Variants in MALRD1 observed in about 807,000 individuals in gnomAD.
MALRD1 encodes MAM and LDL-receptor class A domain-containing protein 1.
A neutral mutation model predicts 242.1 loss-of-function variants in MALRD1; 247 were observed. The ratio of observed to expected loss-of-function variants is 1.02; its 90% CI spans 0.92 to 1.13. MALRD1 has a LOEUF of 1.13. Among genes scored for constraint, MALRD1 ranks in the 50% most tolerant of loss-of-function variants. The pLI, the probability that MALRD1 is intolerant of heterozygous loss-of-function variation, is 0.00. For synonymous variants in MALRD1, 995 were observed against 866.6 expected (o/e 1.15, Z -2.60); for missense variants, 2,989 against 2,533.1 (o/e 1.18, Z -3.86).
chr10:19,058,604 A>T (rs771877363), intron 1 of MALRD1, among the ~76,000 whole-genome samples: 6 of 152,160 alleles, frequency 3.9e-5, no homozygotes, highest in Non-Finnish European at 8.8e-5. Context: ...AAAACATTGC[A>T]AGTAAAATGA....
intron 38 of MALRD1, among the ~76,000 whole-genome samples, chr10:19,695,081 G>A (rs1833305247): frequency 6.6e-6 from 1 of 152,122 alleles, no homozygotes; most frequent in Non-Finnish European, 1.5e-5. Flanking sequence ...ATGGGGTGGG[G>A]CTAGTGGGGA....
At chr10:19,631,238 G>T (rs1246685516) in intron 36 of MALRD1, among the ~76,000 whole-genome samples, 1 of 152,082 alleles carries the variant, frequency 6.6e-6, no homozygotes, top group Non-Finnish European at 1.5e-5. Context: ...AGTGAGAACA[G>T]GTGGAATGTA....
chr10:19,497,911 T>G (rs1837794494), intron 30 of MALRD1, among the ~76,000 whole-genome samples: 1 of 152,186 alleles, frequency 6.6e-6, no homozygotes, highest in South Asian at 2.1e-4. Flanking sequence ...TCACTGTGAA[T>G]AATTTAATTT....
At chr10:19,599,353 A>G (rs1389618000) in intron 34 of MALRD1, among the ~76,000 whole-genome samples, 2 of 152,170 alleles carry the variant, frequency 1.3e-5, no homozygotes, top group African/African-American at 4.8e-5. Context: ...AACACTTCGT[A>G]TTGAATATTG....
chr10:19,447,297 AAACC>A (rs1402784762), intron 28 of MALRD1, among the ~76,000 whole-genome samples: 1 of 152,200 alleles, frequency 6.6e-6, no homozygotes. Flanking sequence ...ATAAGGAAAT[AAACC>A]TCCATTCCAC....
At chr10:19,315,200 G>GT (rs1564554570) in intron 21 of MALRD1, among the ~76,000 whole-genome samples, 16 of 110,266 alleles carry the variant, frequency 1.5e-4, no homozygotes, top group African/African-American at 5.3e-4. Context: ...ATAATTTATA[G>GT]AAATATAATT....
In MALRD1 at chr10:19,087,089, A is replaced by G. The variant is rs552706167; in HGVS notation, c.341-751A>G. 3.3e-5 allele frequency among the ~76,000 whole-genome samples: 5 copies of G among 152,074 alleles called. No individual in the cohort carries two copies. The South Asian group carries it at 1.0e-3, about 32-fold the overall frequency. On this transcript the variant is annotated intron_variant, in intron 2 of 39. Coordinates refer to ENST00000454679, the MANE Select transcript of MALRD1 (RefSeq NM_001142308.3). Reference sequence around the variant, plus strand: ...CTGTATTTTACTGTCTGCTCTTTCTAGCTGCTTGTTGTTAGAAGTGATTTC... The same window carrying G: ...CTGTATTTTACTGTCTGCTCTTTCTGGCTGCTTGTTGTTAGAAGTGATTTC...
At chr10:19,337,166 ATACT>A (rs150761220) in intron 24 of MALRD1, among the ~76,000 whole-genome samples, 2,616 of 152,206 alleles carry the variant, frequency 0.017, 73 homozygotes, top group African/African-American at 0.06. Context: ...GTATATGTAC[ATACT>A]TAACATATGT....
chr10:19,434,922 A>G (rs897292839), intron 28 of MALRD1, among the ~76,000 whole-genome samples: 3 of 151,784 alleles, frequency 2.0e-5, no homozygotes, highest in South Asian at 2.1e-4. Context: ...TATGAAAAAA[A>G]TTAACAACAA....
intron 38 of MALRD1, among the ~76,000 whole-genome samples, chr10:19,712,527 G>A (rs957237231): frequency 3.9e-5 from 6 of 152,132 alleles, no homozygotes; most frequent in Admixed American, 3.3e-4. Context: ...CTTAACATAA[G>A]GCTGTTAAGT....
intron 28 of MALRD1, among the ~76,000 whole-genome samples, chr10:19,416,274 G>A (rs1833510081): frequency 1.3e-5 from 2 of 152,200 alleles, no homozygotes; most frequent in Admixed American, 1.3e-4. Context: ...ACCCAGTTGA[G>A]AGAATCAGAG....
At chr10:19,104,679 A>G (rs1243233221) in intron 5 of MALRD1, among the ~76,000 whole-genome samples, 1 of 152,088 alleles carries the variant, frequency 6.6e-6, no homozygotes, top group African/African-American at 2.4e-5. Flanking sequence ...TGAAACCCAT[A>G]TATTTCAGGG....
At chr10:19,163,387 A>T (rs1295113880) in intron 12 of MALRD1, among the ~76,000 whole-genome samples, 1 of 151,956 alleles carries the variant, frequency 6.6e-6, no homozygotes, top group Non-Finnish European at 1.5e-5. Context: ...TATCCTTAGC[A>T]AACTAACACA....
chr10:19,253,974 C>T (rs1839401592), intron 18 of MALRD1, among the ~76,000 whole-genome samples: 1 of 151,876 alleles, frequency 6.6e-6, no homozygotes, highest in African/African-American at 2.4e-5. Context: ...GGGGTTTCAC[C>T]CTTTGCTCGT....
At chr10:19,176,945 A>G (rs1431988764) in intron 14 of MALRD1, among the ~76,000 whole-genome samples, 1 of 151,770 alleles carries the variant, frequency 6.6e-6, no homozygotes. Flanking sequence ...ATAGACACCG[A>G]GGAGTGCAGA....
In MALRD1 at chr10:19,121,732, AG is replaced by A. The variant is rs140028792; in HGVS notation, c.695-1755del. On this transcript the variant is annotated intron_variant, in intron 5 of 39. Transcript: ENST00000454679. The stretch of plus-strand genomic sequence containing the variant: ...GCATGGAGAGTTGACCCGCTCCTAC[AG>A]GGGGCAAAGCATGTGGACAGCTGGC... Among the ~76,000 whole-genome samples the A allele has an allele frequency of 6.6e-3, 1,001 of 152,260 alleles. 10 individuals are homozygous for A. Among genetic ancestry groups the A allele is most frequent in the African/African-American group, 0.023 (965 of 41,536 alleles).
chr10:19,511,118 C>T (rs925216881), intron 31 of MALRD1, among the ~76,000 whole-genome samples: 2 of 152,140 alleles, frequency 1.3e-5, no homozygotes, highest in African/African-American at 2.4e-5. Context: ...TATATTTATG[C>T]CAAGCCAGGA....
intron 36 of MALRD1, among the ~76,000 whole-genome samples, chr10:19,659,159 G>A (rs1841305624): frequency 6.6e-6 from 1 of 152,130 alleles, no homozygotes; most frequent in African/African-American, 2.4e-5. Flanking sequence ...CAATATGTCA[G>A]TTGCTTTAGC....
At chr10:19,308,001 C>T (rs904426240) in intron 21 of MALRD1, among the ~76,000 whole-genome samples, 4 of 151,528 alleles carry the variant, frequency 2.6e-5, no homozygotes, top group South Asian at 2.1e-4. Flanking sequence ...GTATCCATTC[C>T]TTCAAGAATT....
Sources: allele counts gnomAD v4.1 joint callset (sites outside exome capture counted in the v4.1 genomes callset), GRCh38; gene constraint gnomAD v4.1.1; transcripts MANE v1.5; gene names NCBI Gene and HGNC (gene_info 2026-07-23, HGNC 2026-07-21).